Variants in SYNE1 observed in about 807,000 individuals in gnomAD.
SYNE1 encodes nesprin-1.
Under a neutral mutation model 1,111.0 loss-of-function variants are expected in SYNE1, and 616 were observed. The ratio of observed to expected loss-of-function variants is 0.55; its 90% CI spans 0.52 to 0.59. SYNE1 has a LOEUF of 0.59. SYNE1 is among the 20% of genes least tolerant of loss of function. The pLI is 0.00. For missense variants in SYNE1, 10,006 were observed against 10,417.0 expected (o/e 0.96, Z 1.72); for synonymous variants, 3,855 against 3,825.8 (o/e 1.01, Z -0.28).
chr6:152,207,853 G>T, intron 125 of SYNE1, 119 bp downstream of exon 125: 1 of 932,426 alleles, frequency 1.1e-6, no homozygotes, highest in Non-Finnish European at 1.7e-6. Context: ...TGACATTTGA[G>T]AACAATGTTT....
At chr6:152,441,485 A>G (rs911089591) in intron 31 of SYNE1, among the ~76,000 whole-genome samples, 1 of 152,190 alleles carries the variant, frequency 6.6e-6, no homozygotes, top group Non-Finnish European at 1.5e-5. Flanking sequence ...ATGGACTCAG[A>G]TGATTTCTGA....
At chr6:152,190,954 A>G (rs1026115406) in intron 127 of SYNE1, among the ~76,000 whole-genome samples, 1 of 152,198 alleles carries the variant, frequency 6.6e-6, no homozygotes, top group African/African-American at 2.4e-5. Context: ...TGTTTCTTCT[A>G]TGCTCAGTTT....
rs2099101485 is a variant in SYNE1 at position 152,514,534 on chromosome 6, G to A, written c.310-3431C>T. The stretch of plus-strand genomic sequence containing the variant: ...AGGAAATACCTAATGTAGATGATGG[G>A]TTGGTGGGTGCAGCAAACCACCATG... On this transcript the variant is annotated intron_variant, in intron 6 of 145. Transcript: ENST00000367255. Among the ~76,000 whole-genome samples the A allele has an allele frequency of 3.3e-5, 5 of 151,892 alleles. No homozygotes were observed. The South Asian group carries it at 6.2e-4, about 19-fold the overall frequency.
rs1437500728 is a variant in SYNE1 at position 152,325,098 on chromosome 6, C to T, written c.15643G>A (p.Gly5215Ser). The T allele has an allele frequency of 1.9e-6, 3 of 1,613,922 alleles. No individual in the cohort carries two copies. Among genetic ancestry groups the T allele is most frequent in the Non-Finnish European group, 2.5e-6 (3 of 1,180,024 alleles). Residue 5215 changes from glycine to serine, a missense_variant, in exon 81 of 146, where the codon GGC (glycine) becomes AGC (serine). Transcript: ENST00000367255. ...GTGGAAACTACCTTGTTGTTAAAGC[C>T]CGTCCACTCATCCACTGCATCTTCC... ...ILEDAVDEWTGFNNKVKKATE... is the reference protein window; with the variant it reads ...ILEDAVDEWTSFNNKVKKATE...
intron 30 of SYNE1, among the ~76,000 whole-genome samples, chr6:152,443,072 A>T (rs2098547206): frequency 6.6e-6 from 1 of 152,254 alleles, no homozygotes; most frequent in African/African-American, 2.4e-5. Flanking sequence ...ATAGAATAGT[A>T]CATAAATCTC....
intron 3 of SYNE1, among the ~76,000 whole-genome samples, chr6:152,569,756 G>T (rs1489438121): frequency 6.6e-6 from 1 of 152,156 alleles, no homozygotes; most frequent in Non-Finnish European, 1.5e-5. Context: ...TCTTGGAGAT[G>T]GCCCTAGAAG....
chr6:152,471,800 A>T, intron 15 of SYNE1, 35 bp from the exon 16 acceptor site: 5 of 1,597,898 alleles, frequency 3.1e-6, no homozygotes, highest in Non-Finnish European at 4.3e-6. Flanking sequence ...ATAGAATGTA[A>T]CTAATAGTAA....
chr6:152,585,550 A>G (rs1018753351), intron 3 of SYNE1, among the ~76,000 whole-genome samples: 4 of 152,210 alleles, frequency 2.6e-5, no homozygotes, highest in African/African-American at 9.6e-5. Context: ...ACCTTTGTCT[A>G]TTACAAAATT....
chr6:152,234,716 T>C lies in SYNE1; in HGVS notation c.20481A>G (p.Thr6827=). 6.2e-7 allele frequency: 1 copy of C among 1,614,246 alleles called. No homozygotes were observed. Among genetic ancestry groups the C allele is most frequent in the African/African-American group, 1.3e-5 (1 of 75,072 alleles). The change falls in exon 111 of 146, where the codon ACA becomes ACG. Residue 6827 remains threonine (T), a synonymous_variant. Transcript: ENST00000367255. ...RLEFWTQQSV[T]VPQELEMVRD... ...GGACCATTTCCAGCTCTTGTGGGAC[T>C]GTCACAGATTGCTGAGTCCAAAATT... is the stretch of plus-strand genomic sequence containing the variant.
chr6:152,160,701 G>A (rs1358144140), intron 131 of SYNE1, among the ~76,000 whole-genome samples: 4 of 152,102 alleles, frequency 2.6e-5, no homozygotes, highest in Non-Finnish European at 5.9e-5. Context: ...AAGTGGCAGG[G>A]TATAAAATTC....
rs886043331 is a variant in SYNE1 at position 152,219,078 on chromosome 6, T to C, written c.21969A>G (p.Gln7323=). The part of the protein sequence containing the change: ...QVDASAASAI[Q]SDQLSLSQHL... ...GTTGACTCAAAGAGAGTTGATCCGA[T>C]TGAATAGCTGATGCTGCGGAAGCAT... Residue 7323 remains glutamine (Q), a synonymous_variant, in exon 120 of 146, where the codon CAA becomes CAG. Transcript: ENST00000367255. The C allele has an allele frequency of 3.7e-6, 6 of 1,614,052 alleles. No homozygotes were observed. Among genetic ancestry groups the C allele is most frequent in the African/African-American group, 1.3e-5 (1 of 74,928 alleles).
chr6:152,595,206 A>G (rs897356192), intron 3 of SYNE1, among the ~76,000 whole-genome samples: 10 of 152,230 alleles, frequency 6.6e-5, no homozygotes, highest in Admixed American at 5.9e-4. Flanking sequence ...GATAAATGTC[A>G]TCTTTATGCT....
At position 152,321,247 on chromosome 6, in the gene SYNE1, G is replaced by A. The variant is rs886895044; in HGVS notation, c.16227C>T (p.Ile5409=). The A allele has an allele frequency of 6.2e-7, 1 of 1,613,674 alleles. No individual in the cohort carries two copies. The highest frequency in any genetic ancestry group is 8.5e-7 in the Non-Finnish European group (1 of 1,179,844). The change falls in exon 84 of 146, where the codon ATC becomes ATT. Residue 5409 remains isoleucine (I), a synonymous_variant. Coordinates refer to ENST00000367255, the MANE Select transcript of SYNE1 (RefSeq NM_182961.4). The part of the protein sequence containing the change: ...QLAEVALDLK[I]RDQIQDKIKE... ...TTGATCATAGGTTTACCTGATCTCGGATCTTTAGATCTAACGCCACTTCAG... is the reference window on the plus strand; with the variant it reads ...TTGATCATAGGTTTACCTGATCTCGAATCTTTAGATCTAACGCCACTTCAG...
intron 10 of SYNE1, among the ~76,000 whole-genome samples, chr6:152,499,727 A>G (rs2099018667): frequency 1.3e-5 from 2 of 152,218 alleles, no homozygotes; most frequent in Admixed American, 1.3e-4. Flanking sequence ...TTTATGTACT[A>G]CATGACAAAT....
intron 104 of SYNE1, among the ~76,000 whole-genome samples, chr6:152,254,244 C>CTTTTTTTTTTT (rs773598537): frequency 1.1e-4 from 8 of 73,146 alleles, no homozygotes; most frequent in Admixed American, 2.1e-4. Flanking sequence ...TCTGCATACT[C>CTTTTTTTTTTT]TTTTTTTTTT....
At chr6:152,578,719 A>T (rs2099509702) in intron 3 of SYNE1, among the ~76,000 whole-genome samples, 1 of 152,176 alleles carries the variant, frequency 6.6e-6, no homozygotes, top group Admixed American at 6.5e-5. Flanking sequence ...GAAGTCTATA[A>T]CCCTGTTTTC....
chr6:152,284,149 C>G lies in SYNE1; in HGVS notation c.18036G>C (p.Met6012Ile). 1 of 1,614,162 alleles carries G rather than the reference C, an allele frequency of 6.2e-7. No homozygotes were observed. The highest frequency in any genetic ancestry group is 1.3e-5 in the African/African-American group (1 of 75,032). The change falls in exon 96 of 146, where the codon ATG (methionine) becomes ATC (isoleucine). Residue 6012 changes from methionine (M) to isoleucine (I), a missense_variant. Around this residue, in one of 7 missense-constraint regions of SYNE1, gnomAD observed 4,955 missense variants for 5,017.2 expected, o/e 0.99. Transcript: ENST00000367255. ...GGAGCTCATTGATTTCATCCTGGAG[C>G]ATGAGAATCTCATCCATCAATGCCT... ...EHQALMDEIL[M>I]LQDEINELQS...
chr6:152,372,631 C>A (rs2154095512), intron 59 of SYNE1, among the ~76,000 whole-genome samples: 1 of 152,238 alleles, frequency 6.6e-6, no homozygotes. Flanking sequence ...AACCTACTAC[C>A]TGGTATTTGC....
At chr6:152,530,487 T>A (rs1301234113) in intron 4 of SYNE1, among the ~76,000 whole-genome samples, 1 of 145,008 alleles carries the variant, frequency 6.9e-6, no homozygotes, top group Admixed American at 6.8e-5. Flanking sequence ...TTTTTTTTTT[T>A]ACTAAAACAG....
Sources: gnomAD v4.1 joint callset for allele counts (sites outside exome capture counted in the v4.1 genomes callset) on GRCh38, gnomAD v4.1.1 for gene constraint, gnomAD v4.1.1 regional missense constraint, MANE v1.5 for transcripts, NCBI Gene and HGNC (gene_info 2026-07-23, HGNC 2026-07-21) for gene names.